Variants in PTPRM observed in about 807,000 individuals in gnomAD.
The protein encoded by PTPRM is receptor-type tyrosine-protein phosphatase mu.
Under a neutral mutation model 186.7 loss-of-function variants are expected in PTPRM, and 47 were observed. The observed-to-expected ratio is 0.25, with a 90% CI of 0.20 to 0.32. The LOEUF (loss-of-function observed/expected upper bound fraction) is 0.32. Ranked by LOEUF, PTPRM falls within the 10% of genes least tolerant of loss-of-function variation. The pLI is 1.00. For missense variants in PTPRM, 1,494 were observed against 1,865.0 expected (o/e 0.80, Z 3.66); for synonymous variants, 668 against 674.9 (o/e 0.99, Z 0.16).
At chr18:8,401,467 C>T (rs2095871779) in intron 32 of PTPRM, among the ~76,000 whole-genome samples, 1 of 152,222 alleles carries the variant, frequency 6.6e-6, no homozygotes, top group African/African-American at 2.4e-5. Flanking sequence ...GGTAATAGGG[C>T]CCACGCTGCC....
At chr18:7,650,094 A>C (rs1251887638) in intron 1 of PTPRM, among the ~76,000 whole-genome samples, 1 of 152,144 alleles carries the variant, frequency 6.6e-6, no homozygotes, top group Non-Finnish European at 1.5e-5. Flanking sequence ...ATCTGTGCGG[A>C]TTACTGGTAC....
At position 8,326,193 on chromosome 18, in the gene PTPRM, A is replaced by G. The variant is rs140854596; in HGVS notation, c.2956+6979A>G. The stretch of plus-strand genomic sequence containing the variant: ...CTCTTTAATTAGGTCTGATTTGTCA[A>G]TTTTTGTATTTGTTGCAATTGCTTT... On this transcript the variant is annotated intron_variant, in intron 22 of 32. Coordinates refer to ENST00000580170, the MANE Select transcript of PTPRM (RefSeq NM_001105244.2). Among the ~76,000 whole-genome samples, 854 of 152,256 alleles carry G rather than the reference A, an allele frequency of 5.6e-3. 16 individuals are homozygous for G. Among genetic ancestry groups the G allele is most frequent in the African/African-American group, 0.02 (812 of 41,548 alleles).
At chr18:8,082,698 T>C (rs368180075) in intron 9 of PTPRM, among the ~76,000 whole-genome samples, 1 of 151,924 alleles carries the variant, frequency 6.6e-6, no homozygotes, top group Non-Finnish European at 1.5e-5. Flanking sequence ...TTCTTTTTTT[T>C]CTAAACTTCC....
intron 6 of PTPRM, among the ~76,000 whole-genome samples, chr18:7,950,410 C>T (rs1055226788): frequency 6.6e-6 from 1 of 151,980 alleles, no homozygotes; most frequent in African/African-American, 2.4e-5. Context: ...GTGTCTTAGA[C>T]AAAAATTGTC....
intron 14 of PTPRM, among the ~76,000 whole-genome samples, chr18:8,186,106 T>C (rs1204619053): frequency 1.3e-5 from 2 of 152,048 alleles, no homozygotes; most frequent in Non-Finnish European, 2.9e-5. Flanking sequence ...GGCAGGCAGA[T>C]CACGAGGTCA....
At chr18:8,151,236 C>T (rs981828757) in intron 14 of PTPRM, among the ~76,000 whole-genome samples, 14 of 152,126 alleles carry the variant, frequency 9.2e-5, no homozygotes, top group African/African-American at 3.1e-4. Flanking sequence ...CCACAGCTGC[C>T]CTTTCCCCCA....
chr18:8,022,979 A>C (rs1345612088), intron 7 of PTPRM, among the ~76,000 whole-genome samples: 1 of 152,216 alleles, frequency 6.6e-6, no homozygotes, highest in Non-Finnish European at 1.5e-5. Context: ...ACTGGGTATC[A>C]TCAATCTGAT....
At chr18:7,679,683 A>G (rs1309686142) in intron 1 of PTPRM, among the ~76,000 whole-genome samples, 1 of 151,858 alleles carries the variant, frequency 6.6e-6, no homozygotes, top group Non-Finnish European at 1.5e-5. Context: ...ACAATAAATA[A>G]ATACATAATT....
chr18:8,362,020 A>G lies in PTPRM; in HGVS notation c.3055-8870A>G, dbSNP rs79460005. 2.2e-3 allele frequency among the ~76,000 whole-genome samples: 328 copies of G among 152,308 alleles called. 2 individuals carry two copies. The highest frequency in any genetic ancestry group is 7.7e-3 in the East Asian group (40 of 5,182). On this transcript the variant is annotated intron_variant, in intron 23 of 32. Coordinates refer to ENST00000580170, the MANE Select transcript of PTPRM (RefSeq NM_001105244.2). The stretch of plus-strand genomic sequence containing the variant: ...GCAACTTGGGAGACACAGGAGACCC[A>G]GTGCCTGAGCTCACCAGCTCTAGGA...
chr18:8,378,446 G>T (rs367651306), intron 27 of PTPRM, 32 bp downstream of exon 27: 1 of 1,607,190 alleles, frequency 6.2e-7, no homozygotes, highest in Non-Finnish European at 8.5e-7. Context: ...GGCACTGCAC[G>T]GTGACTTGCT....
intron 1 of PTPRM, among the ~76,000 whole-genome samples, chr18:7,722,590 C>T (rs2040468574): frequency 6.6e-6 from 1 of 151,854 alleles, no homozygotes; most frequent in Non-Finnish European, 1.5e-5. Context: ...AACTCAAAAC[C>T]AAGATGAAAT....
Position 8,020,931 on chromosome 18 carries a change from A to G in PTPRM, c.1133-48755A>G, listed in dbSNP as rs139496717. On this transcript the variant is annotated intron_variant, in intron 7 of 32. Coordinates refer to ENST00000580170, the MANE Select transcript of PTPRM (RefSeq NM_001105244.2). ...TGTAAAGCCCCTGCACTTGTAATTC[A>G]CCAAAGTTTCCCAGACACAGTTCCA... 9.4e-3 allele frequency among the ~76,000 whole-genome samples: 1,433 copies of G among 152,194 alleles called. 24 individuals carry two copies. Among genetic ancestry groups the G allele is most frequent in the African/African-American group, 0.032 (1,331 of 41,510 alleles).
intron 1 of PTPRM, among the ~76,000 whole-genome samples, chr18:7,762,360 G>A (rs1279461903): frequency 6.6e-6 from 1 of 151,962 alleles, no homozygotes; most frequent in Non-Finnish European, 1.5e-5. Flanking sequence ...ACAGGTGCAG[G>A]GACCGCATGA....
chr18:8,183,409 G>C (rs565512453), intron 14 of PTPRM, among the ~76,000 whole-genome samples: 1 of 152,146 alleles, frequency 6.6e-6, no homozygotes, highest in African/African-American at 2.4e-5. Flanking sequence ...GCAGGAAAGC[G>C]GTGAACTTGT....
intron 14 of PTPRM, among the ~76,000 whole-genome samples, chr18:8,162,881 G>C (rs2093257370): frequency 6.6e-6 from 1 of 152,154 alleles, no homozygotes; most frequent in Non-Finnish European, 1.5e-5. Flanking sequence ...ACAGCCTGGC[G>C]AGCTGATGTG....
chr18:7,816,675 T>C (rs2044843836), intron 2 of PTPRM, among the ~76,000 whole-genome samples: 1 of 152,216 alleles, frequency 6.6e-6, no homozygotes, highest in South Asian at 2.1e-4. Flanking sequence ...ACTTCTAATA[T>C]CATGTGTTTG....
chr18:7,643,104 G>A (rs1296863440), intron 1 of PTPRM, among the ~76,000 whole-genome samples: 2 of 151,894 alleles, frequency 1.3e-5, no homozygotes, highest in African/African-American at 4.8e-5. Context: ...CAAGAAAAAA[G>A]ACATAAGATT....
intron 22 of PTPRM, among the ~76,000 whole-genome samples, chr18:8,341,388 A>G (rs1316875660): frequency 6.6e-6 from 1 of 152,206 alleles, no homozygotes; most frequent in Non-Finnish European, 1.5e-5. Context: ...AACAGCAGCA[A>G]ACGAAGAAGG....
chr18:7,783,979 G>A lies in PTPRM; in HGVS notation c.196+9708G>A, dbSNP rs116744919. Among the ~76,000 whole-genome samples, 368 of 150,880 alleles carry A rather than the reference G, an allele frequency of 2.4e-3. 1 individual carries two copies. Among genetic ancestry groups the A allele is most frequent in the African/African-American group, 8.0e-3 (329 of 41,336 alleles). The stretch of plus-strand genomic sequence containing the variant: ...GGAGTGGGCCATCACTGTGCTAACC[G>A]GCACAGCCCACTGGCCAGTGGATGG... On this transcript the variant is annotated intron_variant, in intron 2 of 32. Transcript: ENST00000580170.
Sources: gnomAD v4.1 joint callset for allele counts (sites outside exome capture counted in the v4.1 genomes callset) on GRCh38, gnomAD v4.1.1 for gene constraint, MANE v1.5 for transcripts, NCBI Gene and HGNC (gene_info 2026-07-23, HGNC 2026-07-21) for gene names.